CACNA2D3: variants seen among roughly 807,000 people sequenced by gnomAD.
CACNA2D3 encodes the protein calcium voltage-gated channel auxiliary subunit alpha2delta 3, also known as voltage-dependent calcium channel subunit alpha-2/delta-3.
A neutral mutation model predicts 160.6 loss-of-function variants in CACNA2D3; 60 were observed. That is an observed-to-expected ratio of 0.37 (90% CI 0.30 to 0.46). The LOEUF is 0.46. CACNA2D3 is among the 20% of genes least tolerant of loss of function. The probability of loss-of-function intolerance (pLI) is 1.00; values close to 1 mark genes in which losing one functional copy is unlikely to be tolerated. For missense variants in CACNA2D3, 1,205 were observed against 1,365.0 expected, an observed-to-expected ratio of 0.88 and a Z score of 1.85; for synonymous variants, 558 against 492.9, an observed-to-expected ratio of 1.13 and a Z score of -1.75.
chr3:54,731,747 C>T (rs774903723), intron 11 of CACNA2D3, among the ~76,000 whole-genome samples: 1 of 152,042 alleles, frequency 6.6e-6, no homozygotes, highest in Non-Finnish European at 1.5e-5. Flanking sequence ...GATTCTGTAA[C>T]TATGTGTTAA....
At chr3:54,124,052 A>G (rs1699536602) in intron 2 of CACNA2D3, among the ~76,000 whole-genome samples, 1 of 152,186 alleles carries the variant, frequency 6.6e-6, no homozygotes, top group Non-Finnish European at 1.5e-5. Context: ...CTGCAGTTGT[A>G]CAATCCCATT....
At chr3:54,536,093 C>G (rs954183476) in intron 5 of CACNA2D3, among the ~76,000 whole-genome samples, 8 of 152,312 alleles carry the variant, frequency 5.3e-5, no homozygotes, top group Non-Finnish European at 1.2e-4. Context: ...GGGCTTTCTA[C>G]TTGAATCACC....
chr3:54,411,707 G>A (rs1214232249), intron 4 of CACNA2D3, among the ~76,000 whole-genome samples: 1 of 152,046 alleles, frequency 6.6e-6, no homozygotes, highest in Non-Finnish European at 1.5e-5. Flanking sequence ...TGGTGTTATG[G>A]AACTAAACCT....
At chr3:54,877,761 C>CA (rs1352326443) in intron 18 of CACNA2D3, among the ~76,000 whole-genome samples, 1 of 152,032 alleles carries the variant, frequency 6.6e-6, no homozygotes, top group Non-Finnish European at 1.5e-5. Context: ...GGCATGGAGA[C>CA]ACAGCGAGGC....
At chr3:54,323,292 G>A (rs1019672254) in intron 3 of CACNA2D3, among the ~76,000 whole-genome samples, 5 of 152,248 alleles carry the variant, frequency 3.3e-5, no homozygotes, top group African/African-American at 1.2e-4. Context: ...AACATTTGAA[G>A]AGCAAAGACC....
At chr3:54,123,837 C>T (rs1013099459) in intron 2 of CACNA2D3, among the ~76,000 whole-genome samples, 1 of 152,136 alleles carries the variant, frequency 6.6e-6, no homozygotes, top group African/African-American at 2.4e-5. Flanking sequence ...CTGGCTGGGG[C>T]TCGGAAACTG....
intron 2 of CACNA2D3, among the ~76,000 whole-genome samples, chr3:54,217,602 G>A (rs1701484326): frequency 6.6e-6 from 1 of 152,142 alleles, no homozygotes; most frequent in South Asian, 2.1e-4. Flanking sequence ...AAAGGGATGT[G>A]AAGACAGAGG....
At position 54,191,722 on chromosome 3, in the gene CACNA2D3, T is replaced by C. The variant is rs141706780; in HGVS notation, c.204+68128T>C. ...GGGTTTGGGTGTCAGGGCCATGCAA[T>C]TGGGGCAAGTTCTGTAACTTCTTCT... On this transcript the variant is annotated intron_variant, in intron 2 of 37. Coordinates refer to ENST00000474759, the MANE Select transcript of CACNA2D3 (RefSeq NM_018398.3). 1.3e-3 allele frequency among the ~76,000 whole-genome samples: 202 copies of C among 152,214 alleles called. 1 individual carries two copies. Among genetic ancestry groups the C allele is most frequent in the African/African-American group, 4.7e-3 (195 of 41,528 alleles).
chr3:54,831,909 T>C (rs1222137969), intron 14 of CACNA2D3, among the ~76,000 whole-genome samples: 4 of 152,010 alleles, frequency 2.6e-5, no homozygotes, highest in Non-Finnish European at 4.4e-5. Context: ...AAAAGGGGCA[T>C]TGGTGGAATT....
At chr3:54,336,857 G>A (rs1704392696) in intron 3 of CACNA2D3, among the ~76,000 whole-genome samples, 1 of 152,152 alleles carries the variant, frequency 6.6e-6, no homozygotes, top group East Asian at 1.9e-4. Context: ...TAAATTAAAA[G>A]TATATAAAAC....
chr3:54,482,350 T>C (rs1305491301), intron 4 of CACNA2D3, among the ~76,000 whole-genome samples: 1 of 152,210 alleles, frequency 6.6e-6, no homozygotes, highest in Non-Finnish European at 1.5e-5. Flanking sequence ...AGTTATTCTA[T>C]CCCTTATTAC....
At chr3:54,930,283 C>G (rs1701151662) in intron 27 of CACNA2D3, among the ~76,000 whole-genome samples, 1 of 152,158 alleles carries the variant, frequency 6.6e-6, no homozygotes, top group African/African-American at 2.4e-5. Context: ...TATCCACTCT[C>G]CTGTTGCCTC....
chr3:54,248,413 G>A (rs1702123094), intron 2 of CACNA2D3, among the ~76,000 whole-genome samples: 1 of 151,274 alleles, frequency 6.6e-6, no homozygotes, highest in South Asian at 2.1e-4. Flanking sequence ...CCTGGGAGAT[G>A]GAGGTTGCAA....
At chr3:55,032,875 G>C (rs1165195558) in intron 35 of CACNA2D3, among the ~76,000 whole-genome samples, 2 of 143,456 alleles carry the variant, frequency 1.4e-5, no homozygotes, top group Non-Finnish European at 3.0e-5. Context: ...GTATAAAGTA[G>C]TGCTCAGAAA....
chr3:54,889,074 T>G (rs891469308), intron 24 of CACNA2D3, among the ~76,000 whole-genome samples: 10 of 152,034 alleles, frequency 6.6e-5, no homozygotes, highest in Non-Finnish European at 1.0e-4. Flanking sequence ...ACAAAGGCCT[T>G]GAGATGAGAA....
At chr3:54,929,943 A>G (rs1462454017) in intron 27 of CACNA2D3, among the ~76,000 whole-genome samples, 3 of 152,156 alleles carry the variant, frequency 2.0e-5, no homozygotes, top group Non-Finnish European at 4.4e-5. Context: ...AATAACTCAT[A>G]TCTACCTGTG....
At chr3:54,586,971 A>G (rs1243627723) in intron 9 of CACNA2D3, among the ~76,000 whole-genome samples, 2 of 152,114 alleles carry the variant, frequency 1.3e-5, no homozygotes, top group Admixed American at 6.5e-5. Context: ...ACAAATCTGA[A>G]TGAAAACAAA....
At chr3:54,927,984 G>A (rs769660418) in intron 27 of CACNA2D3, 96 of 1,455,418 alleles carry the variant, frequency 6.6e-5, no homozygotes, top group Non-Finnish European at 8.9e-5. Context: ...CACACGAAGG[G>A]CATGGCAGAC....
intron 31 of CACNA2D3, among the ~76,000 whole-genome samples, chr3:55,001,743 C>T (rs1057241924): frequency 1.3e-5 from 2 of 152,216 alleles, no homozygotes; most frequent in Non-Finnish European, 2.9e-5. Context: ...AACGTTGGCA[C>T]ACTTAGAGCA....
Sources: allele counts gnomAD v4.1 joint callset (sites outside exome capture counted in the v4.1 genomes callset), GRCh38; gene constraint gnomAD v4.1.1; transcripts MANE v1.5; gene names NCBI Gene and HGNC (gene_info 2026-07-23, HGNC 2026-07-21).